The following ZRANB3 variants were observed in gnomAD, a reference collection of about 807,000 sequenced individuals.
The protein encoded by ZRANB3 is DNA annealing helicase and endonuclease ZRANB3.
Under a neutral mutation model 133.8 loss-of-function variants are expected in ZRANB3, and 125 were observed. That is an observed-to-expected ratio of 0.93 (90% CI 0.81 to 1.08). The LOEUF is 1.08. Among genes scored for constraint, ZRANB3 ranks in the 50% least tolerant of loss-of-function variants. The pLI, the probability that ZRANB3 is intolerant of heterozygous loss-of-function variation, is 0.00. For synonymous variants in ZRANB3, 387 were observed against 432.7 expected (o/e 0.89, Z 1.31); for missense variants, 1,229 against 1,275.5 (o/e 0.96, Z 0.56).
Position 135,208,863 on chromosome 2 carries a change from C to G in ZRANB3, c.2606+5G>C. On this transcript the variant is annotated splice_donor_5th_base_variant and intron_variant, in intron 18 of 20. Coordinates refer to ENST00000264159, the MANE Select transcript of ZRANB3 (RefSeq NM_032143.4). Reference sequence around the variant, plus strand: ...TACTATATACTAGTAGTAGAAAAACCTTACTTTGTGAAAGGATCCCGTGGC... The same window carrying G: ...TACTATATACTAGTAGTAGAAAAACGTTACTTTGTGAAAGGATCCCGTGGC... The G allele has an allele frequency of 6.2e-7, 1 of 1,613,008 alleles. No homozygotes were observed.
At position 135,285,355 on chromosome 2, in the gene ZRANB3, T is replaced by C. The variant is rs1452165658; in HGVS notation, c.967-9600A>G. Among the ~76,000 whole-genome samples, 6 of 152,326 alleles carry C rather than the reference T, an allele frequency of 3.9e-5. No homozygotes were observed. In the East Asian group the frequency reaches 9.6e-4, roughly 24 times the overall value. ...ATTATTTTATTTGCACTGTATTGAT[T>C]ATTGCTGACTTTCCTGCTAATGAAG... On this transcript the variant is annotated intron_variant, in intron 8 of 20. Transcript: ENST00000264159.
intron 3 of ZRANB3, among the ~76,000 whole-genome samples, chr2:135,358,516 T>G (rs185690346): frequency 1.3e-5 from 2 of 152,342 alleles, no homozygotes; most frequent in East Asian, 3.9e-4. Context: ...TTCAAAATTC[T>G]GAACATTTTC....
At chr2:135,446,754 T>A (rs1030790091) in intron 2 of ZRANB3, among the ~76,000 whole-genome samples, 1 of 152,190 alleles carries the variant, frequency 6.6e-6, no homozygotes, top group Admixed American at 6.5e-5. Context: ...TGAGAGACTG[T>A]GCAAAGGTGT....
At chr2:135,448,151 G>C (rs952616454) in intron 2 of ZRANB3, among the ~76,000 whole-genome samples, 1 of 152,036 alleles carries the variant, frequency 6.6e-6, no homozygotes, top group Non-Finnish European at 1.5e-5. Flanking sequence ...CAGGTCTATC[G>C]GGCTTAAGCA....
chr2:135,268,837 A>G, intron 11 of ZRANB3, 125 bp downstream of exon 11: 3 of 891,026 alleles, frequency 3.4e-6, no homozygotes, highest in South Asian at 3.6e-5. Flanking sequence ...GGTCTCTATT[A>G]TCATCATTAT....
intron 12 of ZRANB3, among the ~76,000 whole-genome samples, chr2:135,233,016 G>A (rs535959231): frequency 6.6e-6 from 1 of 152,184 alleles, no homozygotes; most frequent in South Asian, 2.1e-4. Flanking sequence ...GGAAGTTTCA[G>A]CCAATGGCAA....
At position 135,253,762 on chromosome 2, in the gene ZRANB3, C is replaced by T. The variant is rs139587533; in HGVS notation, c.1539+11772G>A. Among the ~76,000 whole-genome samples the T allele has an allele frequency of 1.7e-3, 263 of 152,312 alleles. 1 individual carries two copies. The highest frequency in any genetic ancestry group is 5.9e-3 in the African/African-American group (247 of 41,566). On this transcript the variant is annotated intron_variant, in intron 12 of 20. Coordinates refer to ENST00000264159, the MANE Select transcript of ZRANB3 (RefSeq NM_032143.4). ...AGGAACTTTTCAGCTCCATTATAAC[C>T]TTATGAGACTTCCATTGCATATGTG...
At chr2:135,409,771 G>A (rs1688220292) in intron 2 of ZRANB3, among the ~76,000 whole-genome samples, 1 of 152,174 alleles carries the variant, frequency 6.6e-6, no homozygotes, top group African/African-American at 2.4e-5. Flanking sequence ...AACAAGTTCA[G>A]TAATGTTTCA....
chr2:135,366,273 A>G (rs1301051037), intron 3 of ZRANB3, among the ~76,000 whole-genome samples: 2 of 152,188 alleles, frequency 1.3e-5, no homozygotes, highest in Non-Finnish European at 2.9e-5. Flanking sequence ...TATATATTAA[A>G]AAGAGGGAGA....
At chr2:135,335,631 T>C (rs1313942509) in intron 6 of ZRANB3, among the ~76,000 whole-genome samples, 1 of 152,100 alleles carries the variant, frequency 6.6e-6, no homozygotes, top group African/African-American at 2.4e-5. Context: ...AAGCGGAGGT[T>C]GCAGTGAGCA....
intron 12 of ZRANB3, among the ~76,000 whole-genome samples, chr2:135,250,398 G>C (rs1333393456): frequency 6.6e-6 from 1 of 152,228 alleles, no homozygotes; most frequent in East Asian, 1.9e-4. Context: ...AGAAATTCAA[G>C]CCAGCTGCAG....
At chr2:135,307,754 G>C (rs915860004) in intron 8 of ZRANB3, among the ~76,000 whole-genome samples, 4 of 152,140 alleles carry the variant, frequency 2.6e-5, no homozygotes, top group Non-Finnish European at 5.9e-5. Context: ...TTCTTCCTTT[G>C]AGGTGATGAT....
At chr2:135,464,843 G>A (rs372966537) in intron 2 of ZRANB3, among the ~76,000 whole-genome samples, 1 of 152,160 alleles carries the variant, frequency 6.6e-6, no homozygotes, top group Non-Finnish European at 1.5e-5. Flanking sequence ...TGCTGAATGG[G>A]ACTTTGTTTA....
chr2:135,434,679 A>G (rs1233424661), intron 2 of ZRANB3, among the ~76,000 whole-genome samples: 1 of 152,244 alleles, frequency 6.6e-6, no homozygotes, highest in East Asian at 1.9e-4. Context: ...CAGATTTACT[A>G]TCATGAATCC....
intron 3 of ZRANB3, among the ~76,000 whole-genome samples, chr2:135,378,682 T>C (rs886747086): frequency 6.6e-6 from 1 of 152,198 alleles, no homozygotes. Context: ...TGATAAATCA[T>C]ATTGATAGTA....
intron 1 of ZRANB3, among the ~76,000 whole-genome samples, chr2:135,514,834 T>C (rs1693634197): frequency 6.8e-6 from 1 of 147,750 alleles, no homozygotes; most frequent in Admixed American, 6.6e-5. Context: ...TTATTGACAG[T>C]TTTTTTTAGC....
At chr2:135,406,891 A>G (rs1442931213) in intron 2 of ZRANB3, among the ~76,000 whole-genome samples, 2 of 152,232 alleles carry the variant, frequency 1.3e-5, no homozygotes, top group East Asian at 1.9e-4. Context: ...AACTGGAAGC[A>G]TTCCCTTCAA....
rs78389026 is a variant in ZRANB3, at chr2:135,303,524, A to C, written c.966+9965T>G. Among the ~76,000 whole-genome samples the C allele has an allele frequency of 3.9e-5, 6 of 152,210 alleles. No individual in the cohort carries two copies. In the East Asian group the frequency reaches 1.2e-3, roughly 29 times the overall value. Reference sequence around the variant, plus strand: ...TCCTTTCTTAACAGATCAACTGACAATCTATGTGAGGTTCTATTTCTGGAC... The same window carrying C: ...TCCTTTCTTAACAGATCAACTGACACTCTATGTGAGGTTCTATTTCTGGAC... On this transcript the variant is annotated intron_variant, in intron 8 of 20. Transcript: ENST00000264159.
chr2:135,295,903 GC>G (rs1682050098), intron 8 of ZRANB3, among the ~76,000 whole-genome samples: 1 of 152,068 alleles, frequency 6.6e-6, no homozygotes, highest in South Asian at 2.1e-4. Flanking sequence ...TTGAATATTG[GC>G]CCCCACTCTC....
Sources: allele counts gnomAD v4.1 joint callset (sites outside exome capture counted in the v4.1 genomes callset), GRCh38; gene constraint gnomAD v4.1.1; transcripts MANE v1.5; gene names NCBI Gene and HGNC (gene_info 2026-07-23, HGNC 2026-07-21).